Variants in DISC1 observed in about 807,000 individuals in gnomAD.
DISC1 encodes disrupted in schizophrenia 1 protein.
A neutral mutation model predicts 84.5 loss-of-function variants in DISC1; 57 were observed. The ratio of observed to expected loss-of-function variants is 0.67; its 90% CI spans 0.55 to 0.84. The LOEUF is 0.84. Ranked by LOEUF, DISC1 falls within the 40% of genes least tolerant of loss-of-function variation. The probability of loss-of-function intolerance (pLI) is 0.00; values close to 1 mark genes in which losing one functional copy is unlikely to be tolerated. For missense variants in DISC1, 1,000 were observed against 1,057.8 expected (o/e 0.95, Z 0.76); for synonymous variants, 411 against 415.2 (o/e 0.99, Z 0.12).
intron 9 of DISC1, among the ~76,000 whole-genome samples, chr1:231,945,701 CAGATAGACCACTAGCCAGACTAATAA>C (rs1657040690): frequency 6.6e-6 from 1 of 151,930 alleles, no homozygotes; most frequent in Non-Finnish European, 1.5e-5. Context: ...ATCAACAAGA[CAGATAGACCACTAGCCAGACTAATAA>C]AGAAGAATAG....
chr1:231,910,581 T>A (rs2089115776), intron 9 of DISC1, among the ~76,000 whole-genome samples: 3 of 152,176 alleles, frequency 2.0e-5, no homozygotes, highest in South Asian at 2.1e-4. Context: ...TTCTGAGGAG[T>A]GCTTTACTTC....
At chr1:231,806,321 C>A (rs2079705829) in intron 8 of DISC1, among the ~76,000 whole-genome samples, 1 of 152,208 alleles carries the variant, frequency 6.6e-6, no homozygotes, top group Non-Finnish European at 1.5e-5. Context: ...GCATCCATAC[C>A]TCTTAATCCA....
chr1:231,869,404 C>T (rs559378942), intron 9 of DISC1, among the ~76,000 whole-genome samples: 1 of 152,242 alleles, frequency 6.6e-6, no homozygotes, highest in East Asian at 1.9e-4. Flanking sequence ...TATGATGATC[C>T]ATTTCCACTT....
At chr1:231,701,104 G>A (rs1456913566) in intron 2 of DISC1, among the ~76,000 whole-genome samples, 1 of 152,120 alleles carries the variant, frequency 6.6e-6, no homozygotes, top group Non-Finnish European at 1.5e-5. Context: ...TACATGGCTG[G>A]GGAAGCCTCA....
At chr1:232,034,540 T>C (rs945493204) in intron 12 of DISC1, among the ~76,000 whole-genome samples, 5 of 152,236 alleles carry the variant, frequency 3.3e-5, no homozygotes, top group African/African-American at 9.6e-5. Context: ...CACTCCTTAT[T>C]TTTAACCTTT....
chr1:231,879,987 T>C (rs2086179006), intron 9 of DISC1, among the ~76,000 whole-genome samples: 1 of 152,174 alleles, frequency 6.6e-6, no homozygotes, highest in Non-Finnish European at 1.5e-5. Context: ...GTTTGAATGT[T>C]TGTGCCTTCC....
intron 9 of DISC1, among the ~76,000 whole-genome samples, chr1:231,950,577 C>T (rs762663493): frequency 5.9e-5 from 9 of 152,178 alleles, no homozygotes; most frequent in South Asian, 2.1e-4. Context: ...TACTGACCTG[C>T]TTTCCATACC....
intron 9 of DISC1, chr1:231,855,121 G>A (rs1050064701): frequency 4.0e-6 from 4 of 1,006,222 alleles, no homozygotes; most frequent in Non-Finnish European, 4.8e-6. Context: ...TTAAAAAGTT[G>A]AAGAAAATTT....
At chr1:231,904,786 G>A (rs989181107) in intron 9 of DISC1, among the ~76,000 whole-genome samples, 2 of 152,114 alleles carry the variant, frequency 1.3e-5, no homozygotes, top group Non-Finnish European at 2.9e-5. Flanking sequence ...CTGAGCTAGA[G>A]CCCTGTTGAT....
intron 8 of DISC1, among the ~76,000 whole-genome samples, chr1:231,802,673 A>C (rs567682524): frequency 4.0e-5 from 6 of 151,542 alleles, no homozygotes; most frequent in Non-Finnish European, 8.8e-5. Flanking sequence ...TTATTCTTTA[A>C]TTCATCTCTC....
At chr1:231,628,663 A>G (rs1416010700) in intron 1 of DISC1, among the ~76,000 whole-genome samples, 1 of 152,208 alleles carries the variant, frequency 6.6e-6, no homozygotes, top group East Asian at 1.9e-4. Context: ...GCCACTCACA[A>G]CTGTGTTCTT....
chr1:231,911,189 T>C (rs2089167064), intron 9 of DISC1, among the ~76,000 whole-genome samples: 1 of 152,214 alleles, frequency 6.6e-6, no homozygotes, highest in African/African-American at 2.4e-5. Flanking sequence ...AAGGTTAATA[T>C]TGTTATATGT....
At chr1:231,650,165 C>T (rs1174151731) in intron 1 of DISC1, among the ~76,000 whole-genome samples, 1 of 152,176 alleles carries the variant, frequency 6.6e-6, no homozygotes, top group African/African-American at 2.4e-5. Context: ...CATTGATGGT[C>T]TTTACAGTTT....
chr1:231,896,045 G>A (rs1430497964), intron 9 of DISC1, among the ~76,000 whole-genome samples: 1 of 152,142 alleles, frequency 6.6e-6, no homozygotes, highest in Non-Finnish European at 1.5e-5. Context: ...TGATTCCAGA[G>A]GCCAAAAGGC....
At chr1:231,638,713 T>C (rs181024126) in intron 1 of DISC1, among the ~76,000 whole-genome samples, 18 of 152,352 alleles carry the variant, frequency 1.2e-4, no homozygotes, top group Non-Finnish European at 2.4e-4. Flanking sequence ...TGTCTATTTT[T>C]ATACCAGCCT....
At position 231,626,864 on chromosome 1, in the gene DISC1, G is replaced by C. The variant is rs1455514082; in HGVS notation, c.-4G>C. 2 of 1,458,464 alleles carry C rather than the reference G, an allele frequency of 1.4e-6. No homozygotes were observed. Among genetic ancestry groups the C allele is most frequent in the African/African-American group, 1.5e-5 (1 of 66,796 alleles). The allele number at this position is 1,458,464 out of a possible 1,614,324, so 90.3% of individuals were successfully genotyped here. Reference sequence around the variant, plus strand: ...CGGAGCGGGAGGAGCTGGCAGCGGGGCGCATGCCAGGCGGGGGTCCTCAGG... The same window carrying C: ...CGGAGCGGGAGGAGCTGGCAGCGGGCCGCATGCCAGGCGGGGGTCCTCAGG... On this transcript the variant is annotated 5_prime_UTR_variant, in exon 1 of 13. Coordinates refer to ENST00000439617, the MANE Select transcript of DISC1 (RefSeq NM_018662.3).
intron 8 of DISC1, among the ~76,000 whole-genome samples, chr1:231,817,201 C>T (rs1430268990): frequency 6.6e-6 from 1 of 152,182 alleles, no homozygotes; most frequent in East Asian, 1.9e-4. Context: ...TCTCCTGCCT[C>T]AGCCTCTTGA....
intron 9 of DISC1, among the ~76,000 whole-genome samples, chr1:231,857,363 C>T (rs2084344049): frequency 6.6e-6 from 1 of 152,160 alleles, no homozygotes; most frequent in South Asian, 2.1e-4. Context: ...CACAGGAAAA[C>T]TCTGATCTAT....
rs1312997599 is a variant in DISC1 at position 231,694,507 on chromosome 1, C to G, written c.749C>G (p.Ala250Gly). 6.2e-7 allele frequency: 1 copy of G among 1,614,288 alleles called. No individual in the cohort carries two copies. The highest frequency in any genetic ancestry group is 1.1e-5 in the South Asian group (1 of 91,090). ...QSPQEMGAKA[A>G]SLDGPHEDPR... ...CCCCAGGAGATGGGAGCCAAAGCTG[C>G]CAGCTTGGACGGGCCTCACGAGGAC... The change falls in exon 2 of 13, where the codon GCC (alanine) becomes GGC (glycine). Residue 250 changes from alanine (A) to glycine (G), a missense_variant. This residue lies in a region of DISC1 where 311 missense variants were observed against 400.1 expected (regional missense o/e 0.78). Coordinates refer to ENST00000439617, the MANE Select transcript of DISC1 (RefSeq NM_018662.3).
Sources: allele counts gnomAD v4.1 joint callset (sites outside exome capture counted in the v4.1 genomes callset), GRCh38; gene constraint gnomAD v4.1.1; regional missense constraint gnomAD v4.1.1; transcripts MANE v1.5; gene names NCBI Gene and HGNC (gene_info 2026-07-23, HGNC 2026-07-21).